Variants in TMEM132B observed in about 807,000 individuals in gnomAD.
The protein encoded by TMEM132B is transmembrane protein 132B.
In TMEM132B, 18 loss-of-function variants were observed where a neutral mutation model predicts 90.8. The ratio of observed to expected loss-of-function variants is 0.20; its 90% CI spans 0.14 to 0.29. TMEM132B has a LOEUF of 0.29. TMEM132B is among the 10% of genes least tolerant of loss of function. The pLI, the probability that TMEM132B is intolerant of heterozygous loss-of-function variation, is 1.00. For missense variants in TMEM132B, 1,096 were observed against 1,326.8 expected, an observed-to-expected ratio of 0.83 and a Z score of 2.70; for synonymous variants, 504 against 523.3, an observed-to-expected ratio of 0.96 and a Z score of 0.50.
At position 125,614,755 on chromosome 12, in the gene TMEM132B, C is replaced by T. The variant is rs533528021; in HGVS notation, c.1438-29321C>T. ...AAAACAGAGCTACCATTAGACCCAG[C>T]AATCCCATTATGGATATATGCTTTT... On this transcript the variant is annotated intron_variant, in intron 5 of 8. Transcript: ENST00000682704. Among the ~76,000 whole-genome samples the T allele has an allele frequency of 2.6e-5, 4 of 152,304 alleles. No homozygotes were observed. In the East Asian group the frequency reaches 7.7e-4, roughly 29 times the overall value.
intron 2 of TMEM132B, among the ~76,000 whole-genome samples, chr12:125,394,444 T>G (rs1483342603): frequency 2.0e-5 from 3 of 152,196 alleles, no homozygotes; most frequent in African/African-American, 7.2e-5. Context: ...ATGAGGATGA[T>G]GGCAGTGACA....
chr12:125,589,308 C>A (rs1593008557), intron 5 of TMEM132B, among the ~76,000 whole-genome samples: 1 of 151,998 alleles, frequency 6.6e-6, no homozygotes, highest in South Asian at 2.1e-4. Context: ...CGGTGAAACC[C>A]TGTCTCTACT....
chr12:125,642,672 G>T (rs769660537), intron 5 of TMEM132B, among the ~76,000 whole-genome samples: 7 of 152,178 alleles, frequency 4.6e-5, no homozygotes, highest in African/African-American at 2.4e-5. Context: ...TGTGGACTGG[G>T]ATTATCAAGT....
intron 1 of TMEM132B, among the ~76,000 whole-genome samples, chr12:125,294,567 G>T (rs1474347275): frequency 6.6e-6 from 1 of 152,232 alleles, no homozygotes; most frequent in Non-Finnish European, 1.5e-5. Flanking sequence ...GTCTAAATAA[G>T]TGCCAGGCAC....
intron 3 of TMEM132B, among the ~76,000 whole-genome samples, chr12:125,512,608 G>T (rs1413375757): frequency 6.6e-6 from 1 of 152,172 alleles, no homozygotes; most frequent in Admixed American, 6.5e-5. Context: ...AGTAATGAGA[G>T]AATGTTTTGA....
chr12:125,396,400 G>A (rs984507501), intron 2 of TMEM132B, among the ~76,000 whole-genome samples: 4 of 152,196 alleles, frequency 2.6e-5, no homozygotes, highest in African/African-American at 4.8e-5. Flanking sequence ...CATCATCATC[G>A]TGAACACTGT....
rs1881393847 is a variant in TMEM132B at position 125,459,993 on chromosome 12, GC to G, written c.1106+44318del. On this transcript the variant is annotated intron_variant, in intron 3 of 8. Coordinates refer to ENST00000682704, the MANE Select transcript of TMEM132B (RefSeq NM_001366854.1). The surrounding 1 kb of genome is among the most constrained non-coding windows in gnomAD (Gnocchi z 4.1). Reference sequence around the variant, plus strand: ...CCACCATGATTGTGAGGCCTCCCCAGCCATGTGGGAGTGTGAGCCCATGAAA... The same window carrying G: ...CCACCATGATTGTGAGGCCTCCCCAGCATGTGGGAGTGTGAGCCCATGAAA... 6.6e-6 allele frequency among the ~76,000 whole-genome samples: 1 copy of G among 152,158 alleles called. No individual in the cohort carries two copies. Among genetic ancestry groups the G allele is most frequent in the Non-Finnish European group, 1.5e-5 (1 of 68,034 alleles).
At position 125,190,500 on chromosome 12, in the gene TMEM132B, TGGGAAGGGGTGGTGATGGTGATG is replaced by T. The variant is rs1261237402; in HGVS notation, c.67+3659_67+3681del. The stretch of plus-strand genomic sequence containing the variant: ...TGGTGGGAAGGGGTGGTGATGGTGA[TGGGAAGGGGTGGTGATGGTGATG>T]GGGAAGGGGTGGTGATGGTGATGGT... On this transcript the variant is annotated intron_variant, in intron 1 of 8. Transcript: ENST00000682704. Among the ~76,000 whole-genome samples, 241 of 56,944 alleles carry T rather than the reference TGGGAAGGGGTGGTGATGGTGATG, an allele frequency of 4.2e-3. 4 individuals are homozygous for T. Among genetic ancestry groups the T allele is most frequent in the African/African-American group, 0.018 (223 of 12,446 alleles). 37.4% of individuals were successfully genotyped at this position (56,944 alleles called of 152,430 possible). A position where few individuals can be genotyped will look rare whatever the true frequency, so the allele number is the denominator to read the frequency against.
At chr12:125,327,018 T>C (rs1876602330) in intron 1 of TMEM132B, among the ~76,000 whole-genome samples, 1 of 152,106 alleles carries the variant, frequency 6.6e-6, no homozygotes, top group Admixed American at 6.5e-5. Flanking sequence ...GGATGCCCCC[T>C]GAGCCTTCTC....
At chr12:125,229,037 AC>A (rs1409343756) in intron 1 of TMEM132B, among the ~76,000 whole-genome samples, 1 of 152,104 alleles carries the variant, frequency 6.6e-6, no homozygotes, top group African/African-American at 2.4e-5. Flanking sequence ...GGCGAGGGAG[AC>A]CTTGCCAGCA....
Position 125,407,183 on chromosome 12 carries a change from A to C in TMEM132B, c.960-8348A>C, listed in dbSNP as rs138548826. Among the ~76,000 whole-genome samples the C allele has an allele frequency of 6.6e-6, 1 of 152,252 alleles. No homozygotes were observed. The highest frequency in any genetic ancestry group is 1.5e-5 in the Non-Finnish European group (1 of 68,048). ...CATATTGAAGCACAGATTATCTGGC[A>C]TGGCCCAAGACCTCAGGTAAACAAA... On this transcript the variant is annotated intron_variant, in intron 2 of 8. Coordinates refer to ENST00000682704, the MANE Select transcript of TMEM132B (RefSeq NM_001366854.1). This position sits in a 1 kb window ranked among gnomAD's most constrained non-coding sequence, Gnocchi z 6.7.
chr12:125,311,486 A>T (rs1288429521), intron 1 of TMEM132B, among the ~76,000 whole-genome samples: 1 of 152,014 alleles, frequency 6.6e-6, no homozygotes, highest in Non-Finnish European at 1.5e-5. Context: ...TACATCCCAC[A>T]TCCTATCAAT....
intron 1 of TMEM132B, among the ~76,000 whole-genome samples, chr12:125,208,116 A>T (rs1399564069): frequency 1.3e-5 from 2 of 152,354 alleles, no homozygotes; most frequent in East Asian, 3.9e-4. Flanking sequence ...AAACTGAGGT[A>T]CACAGATCAC....
chr12:125,536,222 A>C (rs1883792653), intron 4 of TMEM132B, among the ~76,000 whole-genome samples: 1 of 152,230 alleles, frequency 6.6e-6, no homozygotes, highest in South Asian at 2.1e-4. Flanking sequence ...ACTGCTGCAC[A>C]GAGTTGGTTG....
At chr12:125,207,507 G>C (rs1260079743) in intron 1 of TMEM132B, among the ~76,000 whole-genome samples, 1 of 152,228 alleles carries the variant, frequency 6.6e-6, no homozygotes, top group Non-Finnish European at 1.5e-5. Context: ...GTATCCGCCA[G>C]CCACATGTTG....
At chr12:125,350,373 A>G in intron 2 of TMEM132B, 30 bp downstream of exon 2, 1 of 1,576,802 alleles carries the variant, frequency 6.3e-7, no homozygotes, top group Middle Eastern at 1.7e-4. Flanking sequence ...GGGATGGAAC[A>G]GAAGCCAACT....
intron 1 of TMEM132B, among the ~76,000 whole-genome samples, chr12:125,253,516 C>T (rs752694829): frequency 6.6e-6 from 1 of 151,158 alleles, no homozygotes; most frequent in African/African-American, 2.4e-5. Flanking sequence ...CTCCCTGCCA[C>T]CTCAACCTCC....
chr12:125,421,688 A>T (rs1403791631), intron 3 of TMEM132B, among the ~76,000 whole-genome samples: 16 of 152,226 alleles, frequency 1.1e-4, no homozygotes, highest in Admixed American at 1.0e-3. Flanking sequence ...AAAATATTAT[A>T]ACCATTTGAG....
chr12:125,260,989 C>T (rs2136110113), intron 1 of TMEM132B, among the ~76,000 whole-genome samples: 1 of 152,090 alleles, frequency 6.6e-6, no homozygotes, highest in African/African-American at 2.4e-5. Context: ...CCACCTCAAA[C>T]AACCAAATAA....
Sources: allele counts gnomAD v4.1 joint callset (sites outside exome capture counted in the v4.1 genomes callset), GRCh38; gene constraint gnomAD v4.1.1; non-coding constraint Gnocchi (gnomAD v3.1); transcripts MANE v1.5; gene names NCBI Gene and HGNC (gene_info 2026-07-23, HGNC 2026-07-21).